GSE1: variants seen among roughly 807,000 people sequenced by gnomAD.
GSE1 encodes genetic suppressor element 1.
Under a neutral mutation model 112.6 loss-of-function variants are expected in GSE1, and 32 were observed. That is an observed-to-expected ratio of 0.28 (90% confidence interval 0.21 to 0.38). GSE1 has a LOEUF of 0.38. GSE1 is among the 10% of genes least tolerant of loss of function. The pLI is 1.00. For missense variants in GSE1, 2,348 were observed against 1,699.2 expected, an observed-to-expected ratio of 1.38 and a Z score of -6.71; for synonymous variants, 1,115 against 735.6, an observed-to-expected ratio of 1.52 and a Z score of -8.35.
At chr16:85,555,927 C>T, upstream of GSE1, 1 of 973,504 alleles carries the variant, frequency 1.0e-6, no homozygotes, top group Non-Finnish European at 1.2e-6. Context: ...TCTTCCCCGC[C>T]TGCTTCCCTC....
At chr16:85,596,755 G>T (rs1180514941) in intron 1 of GSE1, among the ~76,000 whole-genome samples, 1 of 152,138 alleles carries the variant, frequency 6.6e-6, no homozygotes, top group Non-Finnish European at 1.5e-5. Context: ...GGAAAGTTCA[G>T]CCAGGCACGG....
intron 3 of GSE1, 112 bp from the exon 4 acceptor site, chr16:85,654,166 T>C (rs2051694277): frequency 2.0e-6 from 2 of 977,502 alleles, no homozygotes. Context: ...AGGATGTTTC[T>C]AGAACATGAA....
In GSE1 at chr16:85,648,516, C is replaced by T. The variant is rs780155893; in HGVS notation, c.227-36C>T. The T allele has an allele frequency of 1.4e-5, 17 of 1,178,886 alleles. 1 individual carries two copies. Among genetic ancestry groups the T allele is most frequent in the Admixed American group, 7.2e-5 (3 of 41,772 alleles). The allele number at this position is 1,178,886 out of a possible 1,614,324, so 73.0% of individuals were successfully genotyped here. A position where few individuals can be genotyped will look rare whatever the true frequency, so the allele number is the denominator to read the frequency against. On this transcript the variant is annotated intron_variant, in intron 2 of 15. Transcript: ENST00000253458. ...CTGGCACTGCACGTGGCTGTCACTG[C>T]GGCTCCCACTCAGGCCACCGTCTTC... is the stretch of plus-strand genomic sequence containing the variant.
chr16:85,445,039 G>C (rs2049474588), intron 2 of GSE1, among the ~76,000 whole-genome samples: 2 of 152,244 alleles, frequency 1.3e-5, no homozygotes, highest in Non-Finnish European at 2.9e-5. Context: ...CACGCAGGCA[G>C]GGGAGCGGGG....
At chr16:85,657,220 A>C in intron 7 of GSE1, 57 bp from the exon 8 acceptor site, 1 of 1,197,870 alleles carries the variant, frequency 8.3e-7, no homozygotes, top group Non-Finnish European at 1.2e-6. Flanking sequence ...GAGGACGGGG[A>C]GGGAGCATGC....
chr16:85,574,968 C>G (rs973771191), intron 1 of GSE1, among the ~76,000 whole-genome samples: 1 of 152,212 alleles, frequency 6.6e-6, no homozygotes. Flanking sequence ...CCCGACAAGG[C>G]CGGGCAGCCC....
chr16:85,296,357 C>A (rs1597322900), intron 1 of GSE1, among the ~76,000 whole-genome samples: 1 of 152,150 alleles, frequency 6.6e-6, no homozygotes, highest in Non-Finnish European at 1.5e-5. Context: ...ATAATCCCAG[C>A]ACTTTGGGAG....
chr16:85,393,139 C>T (rs879413710), intron 2 of GSE1, among the ~76,000 whole-genome samples: 45 of 152,168 alleles, frequency 3.0e-4, no homozygotes, highest in Non-Finnish European at 4.4e-4. Flanking sequence ...CACGGTGGTG[C>T]GCACTTGTAA....
intron 1 of GSE1, among the ~76,000 whole-genome samples, chr16:85,319,498 G>A (rs759570585): frequency 1.4e-4 from 22 of 152,158 alleles, no homozygotes; most frequent in Non-Finnish European, 2.9e-4. Context: ...GGCGAGCGTC[G>A]GGCTGATGAG....
chr16:85,543,195 AGC>A (rs2044582436), intron 2 of GSE1, among the ~76,000 whole-genome samples: 2 of 149,064 alleles, frequency 1.3e-5, no homozygotes, highest in Admixed American at 1.4e-4. Flanking sequence ...TGGGCGACAG[AGC>A]AAGACTCCAT....
chr16:85,492,141 A>T lies in GSE1; in HGVS notation c.2464+134498A>T, dbSNP rs1228404323. On this transcript the variant is annotated intron_variant, in intron 2 of 2. Coordinates refer to the GSE1 transcript ENST00000637419. ...CAGGCTTGGCCGGAGCCTCCGGTTG[A>T]CTTGCTTTTCCTGCTTGTCAGAACC... is the stretch of plus-strand genomic sequence containing the variant. Among the ~76,000 whole-genome samples, 5 of 152,288 alleles carry T rather than the reference A, an allele frequency of 3.3e-5. No individual in the cohort carries two copies. In the East Asian group the frequency reaches 7.7e-4, roughly 24 times the overall value.
At chr16:85,242,600 G>A (rs1296470640) in intron 1 of GSE1, among the ~76,000 whole-genome samples, 1 of 152,228 alleles carries the variant, frequency 6.6e-6, no homozygotes, top group Non-Finnish European at 1.5e-5. Context: ...TGCCTGCTGG[G>A]CTTGAGGGAG....
At chr16:85,337,149 G>GTGTC in intron 1 of GSE1, among the ~76,000 whole-genome samples, 1 of 152,304 alleles carries the variant, frequency 6.6e-6, no homozygotes, top group Admixed American at 6.5e-5. Flanking sequence ...ACCCGCCACT[G>GTGTC]TGTCCCCCAT....
At chr16:85,401,935 G>A (rs996802734) in intron 2 of GSE1, among the ~76,000 whole-genome samples, 1 of 152,246 alleles carries the variant, frequency 6.6e-6, no homozygotes, top group African/African-American at 2.4e-5. Flanking sequence ...GGGCACTTCT[G>A]GGGGATCCAG....
intron 2 of GSE1, among the ~76,000 whole-genome samples, chr16:85,388,323 G>A (rs1316089733): frequency 2.3e-5 from 2 of 86,880 alleles, no homozygotes; most frequent in Non-Finnish European, 5.0e-5. Flanking sequence ...TGGATGGATG[G>A]ATGGATGAAT....
At chr16:85,445,665 T>C (rs1272941951) in intron 2 of GSE1, among the ~76,000 whole-genome samples, 1 of 152,110 alleles carries the variant, frequency 6.6e-6, no homozygotes, top group East Asian at 1.9e-4. Flanking sequence ...TAACGACAGA[T>C]TTCTGCTTCC....
chr16:85,618,008 C>T (rs1430585442), intron 1 of GSE1, among the ~76,000 whole-genome samples: 2 of 152,166 alleles, frequency 1.3e-5, no homozygotes, highest in African/African-American at 2.4e-5. Context: ...GAAGGTCATT[C>T]TTGCCTGGCC....
At chr16:85,633,789 C>T in intron 1 of GSE1, 125 bp from the exon 2 acceptor site, 1 of 674,130 alleles carries the variant, frequency 1.5e-6, no homozygotes, top group Admixed American at 2.6e-5. Context: ...GCTTGTCCTG[C>T]TGGAGCCCCC....
chr16:85,240,001 G>A (rs556017358), intron 1 of GSE1, among the ~76,000 whole-genome samples: 5 of 152,344 alleles, frequency 3.3e-5, no homozygotes, highest in Non-Finnish European at 7.3e-5. Flanking sequence ...AAATGTCTGT[G>A]GCCTGGTAGA....
Sources: gnomAD v4.1 joint callset for allele counts (sites outside exome capture counted in the v4.1 genomes callset) on GRCh38, gnomAD v4.1.1 for gene constraint, MANE v1.5 for transcripts, NCBI Gene and HGNC (gene_info 2026-07-23, HGNC 2026-07-21) for gene names.